Variants in OPCML observed in about 807,000 individuals in gnomAD.
The protein encoded by OPCML is opioid-binding protein/cell adhesion molecule.
Under a neutral mutation model 37.8 loss-of-function variants are expected in OPCML, and 13 were observed. The ratio of observed to expected loss-of-function variants is 0.34; its 90% CI spans 0.22 to 0.55. The LOEUF (loss-of-function observed/expected upper bound fraction) is 0.55. Among genes scored for constraint, OPCML ranks in the 20% least tolerant of loss-of-function variants. OPCML has a pLI of 0.91. For missense variants in OPCML, 341 were observed against 435.6 expected (o/e 0.78, Z 1.93); for synonymous variants, 176 against 168.8 (o/e 1.04, Z -0.33).
Position 132,922,602 on chromosome 11 carries a change from T to C in OPCML, c.146+20324A>G, listed in dbSNP as rs1944845028. Among the ~76,000 whole-genome samples, 3 of 152,302 alleles carry C rather than the reference T, an allele frequency of 2.0e-5. No individual in the cohort carries two copies. The South Asian group carries it at 6.2e-4, about 32-fold the overall frequency. On this transcript the variant is annotated intron_variant, in intron 2 of 7. Transcript: ENST00000524381. Reference sequence around the variant, plus strand: ...TTTCAGAAGCCAAAATTCTTCACTCTCCTGCATTCCATGGTCCTTATAACA... The same window carrying C: ...TTTCAGAAGCCAAAATTCTTCACTCCCCTGCATTCCATGGTCCTTATAACA...
At chr11:132,993,803 G>A (rs1332671376) in intron 1 of OPCML, among the ~76,000 whole-genome samples, 2 of 152,102 alleles carry the variant, frequency 1.3e-5, no homozygotes, top group Non-Finnish European at 2.9e-5. Flanking sequence ...ACATTGACAG[G>A]CCACTGACAA....
At chr11:132,720,053 G>T (rs1399921738) in intron 2 of OPCML, among the ~76,000 whole-genome samples, 1 of 152,234 alleles carries the variant, frequency 6.6e-6, no homozygotes, top group African/African-American at 2.4e-5. Context: ...CTGCTACTAA[G>T]TGTGCCGGTA....
chr11:132,985,770 A>G (rs1946673359), intron 1 of OPCML, among the ~76,000 whole-genome samples: 1 of 152,168 alleles, frequency 6.6e-6, no homozygotes, highest in African/African-American at 2.4e-5. Context: ...TCGGCCTATC[A>G]CACCTCCGTA....
At chr11:132,470,406 G>A (rs2509235) in intron 4 of OPCML, among the ~76,000 whole-genome samples, 63,749 of 151,936 alleles carry the variant, frequency 0.42, 15,080 homozygotes, top group East Asian at 0.8. Flanking sequence ...ATGGATAGCC[G>A]TGTCAGTCAC....
intron 1 of OPCML, among the ~76,000 whole-genome samples, chr11:132,955,422 G>A (rs1050476253): frequency 1.3e-5 from 2 of 152,096 alleles, no homozygotes; most frequent in African/African-American, 4.8e-5. Context: ...AGTTGTCATT[G>A]TCATCATCAT....
intron 1 of OPCML, among the ~76,000 whole-genome samples, chr11:132,977,872 G>A (rs73586464): frequency 1.3e-5 from 2 of 152,270 alleles, no homozygotes; most frequent in African/African-American, 4.8e-5. Flanking sequence ...TTGCCCAGAA[G>A]GAGTTTATGA....
chr11:133,289,080 T>C (rs1942385678), intron 1 of OPCML, among the ~76,000 whole-genome samples: 1 of 152,198 alleles, frequency 6.6e-6, no homozygotes, highest in Non-Finnish European at 1.5e-5. Flanking sequence ...TGATGAAGAA[T>C]AATGCAGACC....
intron 3 of OPCML, among the ~76,000 whole-genome samples, chr11:132,632,329 AAAT>A (rs1940200107): frequency 6.7e-6 from 1 of 149,136 alleles, no homozygotes; most frequent in Admixed American, 6.8e-5. Context: ...GCTGACATTT[AAAT>A]AATATTATGA....
At chr11:132,999,577 G>GGGAA (rs372561939) in intron 1 of OPCML, among the ~76,000 whole-genome samples, 2 of 146,584 alleles carry the variant, frequency 1.4e-5, no homozygotes, top group African/African-American at 5.4e-5. Context: ...GTCGGGGGGG[G>GGGAA]AATGCCACCG....
At chr11:133,532,108 C>A (rs1014153378) in intron 1 of OPCML, 156 bp downstream of exon 1, 4 of 719,506 alleles carry the variant, frequency 5.6e-6, no homozygotes, top group African/African-American at 3.8e-5. Flanking sequence ...TGTGTGTGTG[C>A]GTGCACACAG....
intron 1 of OPCML, chr11:133,005,890 T>C (rs1347389959): frequency 1.0e-5 from 10 of 985,318 alleles, no homozygotes; most frequent in Non-Finnish European, 1.2e-5. Context: ...TCCTGGAATT[T>C]CCAATCATCC....
Position 132,693,518 on chromosome 11 carries a change from C to T in OPCML, c.147-36199G>A, listed in dbSNP as rs556821580. Among the ~76,000 whole-genome samples the T allele has an allele frequency of 3.3e-4, 51 of 152,292 alleles. No individual in the cohort carries two copies. The Middle Eastern group carries it at 0.017, about 51-fold the overall frequency. On this transcript the variant is annotated intron_variant, in intron 2 of 7. Coordinates refer to ENST00000524381, the MANE Select transcript of OPCML (RefSeq NM_001012393.5). ...AACTTCCTGTGGGCAAAGGTAATAACATTCTCCAAATGAAGAATATATTAA... is the reference window on the plus strand; with the variant it reads ...AACTTCCTGTGGGCAAAGGTAATAATATTCTCCAAATGAAGAATATATTAA...
intron 1 of OPCML, among the ~76,000 whole-genome samples, chr11:133,250,414 GGAAGGAAGGAAA>G (rs1941087273): frequency 6.7e-6 from 1 of 148,940 alleles, no homozygotes; most frequent in Non-Finnish European, 1.5e-5. Flanking sequence ...GAAGAAGGAA[GGAAGGAAGGAAA>G]GAAGGAAGGA....
At chr11:133,407,117 A>G (rs56084982) in intron 1 of OPCML, among the ~76,000 whole-genome samples, 1,970 of 152,324 alleles carry the variant, frequency 0.013, 20 homozygotes, top group South Asian at 0.056. Context: ...AAACCCATCC[A>G]CATGACCACT....
At position 133,493,162 on chromosome 11, in the gene OPCML, C is replaced by T. The variant is rs563188802; in HGVS notation, c.61+39102G>A. On this transcript the variant is annotated intron_variant, in intron 1 of 7. Coordinates refer to ENST00000524381, the MANE Select transcript of OPCML (RefSeq NM_001012393.5). ...CATGACCTTGCCCCCCAGAAGGCCA[C>T]CCCCATCCTGGCTGGGAGCCTCTGG... Among the ~76,000 whole-genome samples, 8 of 152,320 alleles carry T rather than the reference C, an allele frequency of 5.3e-5. No individual in the cohort carries two copies. In the South Asian group the frequency reaches 1.7e-3, roughly 32 times the overall value.
At chr11:133,336,361 T>TG (rs1380812804) in intron 1 of OPCML, among the ~76,000 whole-genome samples, 1 of 149,394 alleles carries the variant, frequency 6.7e-6, no homozygotes, top group African/African-American at 2.5e-5. Context: ...ATTCCACTAA[T>TG]GGGAAAAAAA....
At chr11:132,949,004 G>A (rs1945803966) in intron 1 of OPCML, among the ~76,000 whole-genome samples, 1 of 152,206 alleles carries the variant, frequency 6.6e-6, no homozygotes, top group Admixed American at 6.5e-5. Context: ...TTATGAACAA[G>A]CTTGAGAATA....
At chr11:132,738,153 A>G (rs980008366) in intron 2 of OPCML, among the ~76,000 whole-genome samples, 2 of 152,208 alleles carry the variant, frequency 1.3e-5, no homozygotes, top group South Asian at 2.1e-4. Context: ...CGCTTTAGAG[A>G]AGGAGACATG....
chr11:133,100,083 A>G (rs1350995291), intron 1 of OPCML, among the ~76,000 whole-genome samples: 2 of 152,196 alleles, frequency 1.3e-5, no homozygotes, highest in African/African-American at 2.4e-5. Context: ...AAAACCAAAT[A>G]CCATGTGCTC....
Sources: allele counts gnomAD v4.1 joint callset (sites outside exome capture counted in the v4.1 genomes callset), GRCh38; gene constraint gnomAD v4.1.1; transcripts MANE v1.5; gene names NCBI Gene and HGNC (gene_info 2026-07-23, HGNC 2026-07-21).